The following CCSER1 variants were observed in gnomAD, a reference collection of about 807,000 sequenced individuals.
CCSER1 encodes the protein serine-rich coiled-coil domain-containing protein 1.
Under a neutral mutation model 82.0 loss-of-function variants are expected in CCSER1, and 41 were observed. The observed-to-expected ratio is 0.50, with a 90% CI of 0.39 to 0.65. The LOEUF (loss-of-function observed/expected upper bound fraction) is 0.65. Among genes scored for constraint, CCSER1 ranks in the 30% least tolerant of loss-of-function variants. The pLI, the probability that CCSER1 is intolerant of heterozygous loss-of-function variation, is 0.00. For synonymous variants in CCSER1, 414 were observed against 383.9 expected (o/e 1.08, Z -0.92); for missense variants, 1,119 against 1,064.2 (o/e 1.05, Z -0.72).
intron 10 of CCSER1, among the ~76,000 whole-genome samples, chr4:91,518,876 G>C (rs1041588316): frequency 6.6e-6 from 1 of 152,192 alleles, no homozygotes. Context: ...TGAACCAGGG[G>C]CCCAGATTGG....
intron 1 of CCSER1, among the ~76,000 whole-genome samples, chr4:90,131,262 A>T (rs1003297910): frequency 3.3e-5 from 5 of 152,224 alleles, no homozygotes; most frequent in African/African-American, 1.2e-4. Context: ...CGGCCTCCCG[A>T]AGTGCTGGGG....
intron 10 of CCSER1, among the ~76,000 whole-genome samples, chr4:91,472,023 A>G (rs149506239): frequency 0.01 from 1,541 of 152,038 alleles, 11 homozygotes; most frequent in Middle Eastern, 0.02. Context: ...TTATTTAACT[A>G]AGTTATTAGT....
intron 9 of CCSER1, among the ~76,000 whole-genome samples, chr4:91,036,896 T>C (rs7686935): frequency 0.042 from 6,396 of 151,774 alleles, 176 homozygotes; most frequent in Middle Eastern, 0.065. Context: ...CTGGCCAACA[T>C]GGTGAAACCC....
At position 90,931,489 on chromosome 4, in the gene CCSER1, A is replaced by AT. The variant is rs1281154036; in HGVS notation, c.2172+8048dup. 3.9e-5 allele frequency among the ~76,000 whole-genome samples: 6 copies of AT among 152,278 alleles called. No individual in the cohort carries two copies. In the East Asian group the frequency reaches 7.7e-4, roughly 20 times the overall value. ...TTCAAATTAACTCTCAGAAACACTAATTTTTTAATCGCAGAAATCATAAAC... is the reference window on the plus strand; with the variant it reads ...TTCAAATTAACTCTCAGAAACACTAATTTTTTTAATCGCAGAAATCATAAAC... On this transcript the variant is annotated intron_variant, in intron 9 of 10. Coordinates refer to ENST00000509176, the MANE Select transcript of CCSER1 (RefSeq NM_001145065.2).
intron 10 of CCSER1, among the ~76,000 whole-genome samples, chr4:91,470,977 C>G (rs1445777248): frequency 1.3e-5 from 2 of 152,112 alleles, no homozygotes; most frequent in Non-Finnish European, 2.9e-5. Flanking sequence ...ATGTGTGTCT[C>G]TGGAAAATTT....
chr4:91,269,309 T>G (rs2149179349), intron 10 of CCSER1, among the ~76,000 whole-genome samples: 1 of 152,358 alleles, frequency 6.6e-6, no homozygotes, highest in South Asian at 2.1e-4. Flanking sequence ...CCATTTCTTG[T>G]ATAAGTACCT....
At chr4:91,385,782 T>C (rs545171929) in intron 10 of CCSER1, among the ~76,000 whole-genome samples, 1 of 152,076 alleles carries the variant, frequency 6.6e-6, no homozygotes, top group African/African-American at 2.4e-5. Context: ...AATTCCAAAA[T>C]TCTACGTGTA....
At chr4:91,091,040 G>A (rs960928183) in intron 10 of CCSER1, among the ~76,000 whole-genome samples, 8 of 152,260 alleles carry the variant, frequency 5.3e-5, no homozygotes, top group African/African-American at 1.9e-4. Context: ...TAGCCCAAAT[G>A]ACACATGACC....
intron 10 of CCSER1, among the ~76,000 whole-genome samples, chr4:91,299,179 C>G (rs1006030089): frequency 4.0e-5 from 6 of 151,876 alleles, no homozygotes; most frequent in African/African-American, 1.4e-4. Flanking sequence ...AATTTAAGCT[C>G]CATAATGCCC....
chr4:90,651,619 A>G (rs975041276), intron 6 of CCSER1, among the ~76,000 whole-genome samples: 1 of 152,030 alleles, frequency 6.6e-6, no homozygotes, highest in Non-Finnish European at 1.5e-5. Context: ...ACAAACCACC[A>G]TGGCACGTGT....
intron 9 of CCSER1, among the ~76,000 whole-genome samples, chr4:91,070,138 C>T (rs546189397): frequency 1.3e-5 from 2 of 152,126 alleles, no homozygotes; most frequent in Non-Finnish European, 2.9e-5. Context: ...GTGCCCACCA[C>T]CACACCTGGC....
At chr4:91,135,006 G>T (rs942028561) in intron 10 of CCSER1, among the ~76,000 whole-genome samples, 3 of 151,806 alleles carry the variant, frequency 2.0e-5, no homozygotes, top group African/African-American at 7.3e-5. Flanking sequence ...CTTGCACTGA[G>T]CTGAGATTGC....
chr4:90,891,457 T>A (rs1199455188), intron 8 of CCSER1, among the ~76,000 whole-genome samples: 1 of 151,692 alleles, frequency 6.6e-6, no homozygotes, highest in Non-Finnish European at 1.5e-5. Flanking sequence ...TTAAATTATT[T>A]ATAAGGATTT....
chr4:90,423,542 T>C (rs1447115168), intron 4 of CCSER1, among the ~76,000 whole-genome samples: 1 of 152,044 alleles, frequency 6.6e-6, no homozygotes, highest in Non-Finnish European at 1.5e-5. Context: ...TGATTCATTT[T>C]CTTTTTTTAT....
intron 10 of CCSER1, among the ~76,000 whole-genome samples, chr4:91,281,623 A>C (rs1581898196): frequency 6.6e-6 from 1 of 152,286 alleles, no homozygotes; most frequent in African/African-American, 2.4e-5. Context: ...CAGTTAGATA[A>C]AAATGTAAAG....
chr4:90,159,729 C>T (rs899741042), intron 1 of CCSER1, among the ~76,000 whole-genome samples: 5 of 152,232 alleles, frequency 3.3e-5, no homozygotes, highest in Admixed American at 3.3e-4. Context: ...GTGTCTAGTT[C>T]TTTTGACTCA....
chr4:90,724,998 T>G (rs530973989), intron 7 of CCSER1: 1 of 442,628 alleles, frequency 2.3e-6, no homozygotes, highest in Non-Finnish European at 4.6e-6. Context: ...ACTTTTTTGC[T>G]TAATGAGAGT....
At position 90,458,777 on chromosome 4, in the gene CCSER1, A is replaced by C. The variant is rs550208647; in HGVS notation, c.1604-9457A>C. Among the ~76,000 whole-genome samples the C allele has an allele frequency of 8.8e-4, 134 of 152,356 alleles. 1 individual carries two copies. Among genetic ancestry groups the C allele is most frequent in the Non-Finnish European group, 1.2e-3 (80 of 68,036 alleles). The stretch of plus-strand genomic sequence containing the variant: ...AGACTACAGATGATGATGCCATTCT[A>C]ATATTATGTGTGGAATTTTTGTCAG... On this transcript the variant is annotated intron_variant, in intron 4 of 10. Transcript: ENST00000509176.
intron 6 of CCSER1, among the ~76,000 whole-genome samples, chr4:90,692,115 C>T (rs1736121469): frequency 6.7e-6 from 1 of 148,818 alleles, no homozygotes; most frequent in South Asian, 2.1e-4. Context: ...ATCATAAAAT[C>T]TCTTATTTAT....
Sources: gnomAD v4.1 joint callset for allele counts (sites outside exome capture counted in the v4.1 genomes callset) on GRCh38, gnomAD v4.1.1 for gene constraint, MANE v1.5 for transcripts, NCBI Gene and HGNC (gene_info 2026-07-23, HGNC 2026-07-21) for gene names.